Variants in LRRC42 observed in about 807,000 individuals in gnomAD.
The protein encoded by LRRC42 is leucine-rich repeat-containing protein 42.
A neutral mutation model predicts 44.3 loss-of-function variants in LRRC42; 43 were observed. The observed-to-expected ratio is 0.97, with a 90% CI of 0.76 to 1.25. The LOEUF is 1.25. Among genes scored for constraint, LRRC42 ranks in the 50% most tolerant of loss-of-function variants. The pLI, the probability that LRRC42 is intolerant of heterozygous loss-of-function variation, is 0.00. For synonymous variants in LRRC42, 207 were observed against 195.2 expected (o/e 1.06, Z -0.50); for missense variants, 540 against 509.1 (o/e 1.06, Z -0.58).
At chr1:53,953,242 A>G (rs1424616398) in intron 3 of LRRC42, among the ~76,000 whole-genome samples, 2 of 152,234 alleles carry the variant, frequency 1.3e-5, no homozygotes, top group Non-Finnish European at 2.9e-5. Context: ...TTCTATACAC[A>G]TACATGCTTA....
intron 5 of LRRC42, 109 bp downstream of exon 5, chr1:53,960,583 C>CTT: frequency 1.1e-5 from 9 of 802,752 alleles, no homozygotes; most frequent in Non-Finnish European, 1.6e-5. Flanking sequence ...GGTGACTTTC[C>CTT]TCGGTGCCAT....
chr1:53,960,301 C>A, intron 4 of LRRC42, 55 bp from the exon 5 acceptor site: 1 of 1,188,054 alleles, frequency 8.4e-7, no homozygotes, highest in Non-Finnish European at 1.2e-6. Flanking sequence ...GTTTTTATAC[C>A]TAGATTGTCT....
intron 3 of LRRC42, among the ~76,000 whole-genome samples, chr1:53,956,081 A>G (rs1654829714): frequency 1.3e-5 from 2 of 152,214 alleles, no homozygotes; most frequent in African/African-American, 2.4e-5. Context: ...TGCATTTGCA[A>G]TCCAGGGCTG....
intron 7 of LRRC42, 102 bp downstream of exon 7, chr1:53,962,511 T>G (rs1293730793): frequency 4.1e-6 from 3 of 735,676 alleles, no homozygotes; most frequent in East Asian, 5.3e-5. Context: ...TTGGTAGTCC[T>G]TGGTTAAATT....
At chr1:53,965,852 G>A (rs1007064699) in intron 7 of LRRC42, among the ~76,000 whole-genome samples, 18 of 152,098 alleles carry the variant, frequency 1.2e-4, no homozygotes, top group Admixed American at 1.1e-3. Context: ...AACTGATCAT[G>A]GTATGTTATG....
At position 53,959,919 on chromosome 1, in the gene LRRC42, C is replaced by CTT. The variant is rs767888306; in HGVS notation, c.606-421_606-420dup. Among the ~76,000 whole-genome samples, 557 of 136,644 alleles carry CTT rather than the reference C, an allele frequency of 4.1e-3. 4 individuals are homozygous for CTT. Among genetic ancestry groups the CTT allele is most frequent in the African/African-American group, 0.014 (511 of 37,256 alleles). The allele number at this position is 136,644 out of a possible 152,430, so 89.6% of individuals were successfully genotyped here. The stretch of plus-strand genomic sequence containing the variant: ...GGTAACTGAAATGGCACCAAAAAAT[C>CTT]TTTTTTTTTTTTTTTTTGTTAGGCA... On this transcript the variant is annotated intron_variant, in intron 4 of 8. Coordinates refer to ENST00000371370, the MANE Select transcript of LRRC42 (RefSeq NM_001256409.2).
intron 3 of LRRC42, among the ~76,000 whole-genome samples, chr1:53,955,753 C>G (rs377521843): frequency 6.6e-6 from 1 of 151,770 alleles, no homozygotes; most frequent in Non-Finnish European, 1.5e-5. Flanking sequence ...CTCAGCCTCC[C>G]GAGTAGCTGG....
chr1:53,949,729 CCT>C (rs1225671820), intron 2 of LRRC42, among the ~76,000 whole-genome samples: 2 of 152,136 alleles, frequency 1.3e-5, no homozygotes, highest in Non-Finnish European at 2.9e-5. Context: ...ATTTTTTTCC[CCT>C]GTTTTTTAGT....
intron 8 of LRRC42, among the ~76,000 whole-genome samples, chr1:53,966,754 A>T (rs1655136649): frequency 6.6e-6 from 1 of 152,112 alleles, no homozygotes; most frequent in Admixed American, 6.5e-5. Context: ...CATACAATGT[A>T]TTTCAGGCTT....
intron 3 of LRRC42, among the ~76,000 whole-genome samples, chr1:53,956,317 C>T (rs933607239): frequency 6.6e-6 from 1 of 152,208 alleles, no homozygotes; most frequent in African/African-American, 2.4e-5. Context: ...TTTAATCCCA[C>T]TGGTGGTAAC....
At chr1:53,951,894 A>T in intron 2 of LRRC42, 92 bp from the exon 3 acceptor site, 1 of 1,006,228 alleles carries the variant, frequency 9.9e-7, no homozygotes, top group Non-Finnish European at 1.4e-6. Flanking sequence ...CCTGCCTGGT[A>T]GGCTCATAAA....
At chr1:53,950,269 G>A (rs1654635596) in intron 2 of LRRC42, among the ~76,000 whole-genome samples, 1 of 152,244 alleles carries the variant, frequency 6.6e-6, no homozygotes, top group Admixed American at 6.5e-5. Flanking sequence ...AACGAGCAAT[G>A]GCCAGTGGGA....
chr1:53,964,672 CT>C (rs918064661), intron 7 of LRRC42, among the ~76,000 whole-genome samples: 3 of 152,042 alleles, frequency 2.0e-5, no homozygotes, highest in African/African-American at 7.2e-5. Flanking sequence ...TATTAAGTGC[CT>C]TTTGTGTGCC....
intron 3 of LRRC42, among the ~76,000 whole-genome samples, chr1:53,954,529 C>G (rs538992540): frequency 6.6e-6 from 1 of 152,160 alleles, no homozygotes; most frequent in African/African-American, 2.4e-5. Flanking sequence ...ATTAGCAATA[C>G]ATGCTATTTG....
chr1:53,962,280 G>A lies in LRRC42; in HGVS notation c.814-16G>A. ...CCAAATGTATTTGCATTTCTGATCT[G>A]TCTCTGCCTCACTAGGACATCAAAA... On this transcript the variant is annotated splice_polypyrimidine_tract_variant and intron_variant, in intron 6 of 8. Coordinates refer to ENST00000371370, the MANE Select transcript of LRRC42 (RefSeq NM_001256409.2). The A allele has an allele frequency of 6.3e-7, 1 of 1,589,442 alleles. No homozygotes were observed. Among genetic ancestry groups the A allele is most frequent in the Non-Finnish European group, 8.6e-7 (1 of 1,157,722 alleles).
intron 5 of LRRC42, 108 bp downstream of exon 5, chr1:53,960,582 C>G: frequency 1.2e-6 from 1 of 806,518 alleles, no homozygotes; most frequent in Non-Finnish European, 1.9e-6. Context: ...AGGTGACTTT[C>G]CTCGGTGCCA....
At chr1:53,956,536 C>G (rs766859482) in intron 3 of LRRC42, among the ~76,000 whole-genome samples, 12 of 152,194 alleles carry the variant, frequency 7.9e-5, no homozygotes, top group Non-Finnish European at 1.6e-4. Context: ...CTCACAATCA[C>G]ACAAGTAATT....
At position 53,958,060 on chromosome 1, in the gene LRRC42, G is replaced by GT. The variant is rs1310958045; in HGVS notation, c.474-88dup. On this transcript the variant is annotated intron_variant, in intron 3 of 8. Transcript: ENST00000371370. ...CATAGTACTGTGTCCTGATGGGATGGTAGGATATTGACTATGATACAAATC... is the reference window on the plus strand; with the variant it reads ...CATAGTACTGTGTCCTGATGGGATGGTTAGGATATTGACTATGATACAAATC... The GT allele has an allele frequency of 2.7e-4, 415 of 1,540,338 alleles. 3 individuals are homozygous for GT. In the Middle Eastern group the frequency reaches 4.1e-3, roughly 15 times the overall value.
At position 53,951,990 on chromosome 1, in the gene LRRC42, A is replaced by T; in HGVS notation, c.-10A>T. Reference sequence around the variant, plus strand: ...CCCTGTGCCTTGCTTTTACAGTTGCAACCAAGGCAATGTCTTACTACCTCA... The same window carrying T: ...CCCTGTGCCTTGCTTTTACAGTTGCTACCAAGGCAATGTCTTACTACCTCA... On this transcript the variant is annotated 5_prime_UTR_variant, in exon 3 of 9. Transcript: ENST00000371370. The T allele has an allele frequency of 6.2e-7, 1 of 1,608,624 alleles. No individual in the cohort carries two copies. Among genetic ancestry groups the T allele is most frequent in the Non-Finnish European group, 8.5e-7 (1 of 1,177,506 alleles).
Sources: gnomAD v4.1 joint callset for allele counts (sites outside exome capture counted in the v4.1 genomes callset) on GRCh38, gnomAD v4.1.1 for gene constraint, MANE v1.5 for transcripts, NCBI Gene and HGNC (gene_info 2026-07-23, HGNC 2026-07-21) for gene names.